MLLT10: variants seen among roughly 807,000 people sequenced by gnomAD.
The protein encoded by MLLT10 is MLLT10 histone lysine methyltransferase DOT1L cofactor.
MLLT10 carries 30 observed loss-of-function variants against 129.1 expected under a neutral mutation model. That is an observed-to-expected ratio of 0.23 (90% confidence interval 0.17 to 0.32). MLLT10 has a LOEUF of 0.32. MLLT10 is among the 10% of genes least tolerant of loss of function. MLLT10 has a pLI of 1.00. For missense variants in MLLT10, 1,119 were observed against 1,268.3 expected (o/e 0.88, Z 1.79); for synonymous variants, 490 against 446.4 (o/e 1.10, Z -1.23).
At chr10:21,597,668 G>A (rs2043146422) in intron 5 of MLLT10, among the ~76,000 whole-genome samples, 1 of 152,088 alleles carries the variant, frequency 6.6e-6, no homozygotes, top group Admixed American at 6.6e-5. Context: ...CACCCCACCC[G>A]GGTCTCTTTG....
At chr10:21,688,677 A>C in intron 13 of MLLT10, 3 of 615,944 alleles carry the variant, frequency 4.9e-6, no homozygotes, top group Non-Finnish European at 8.1e-6. Flanking sequence ...GGAATTATCT[A>C]TAACCTTGGG....
chr10:21,591,066 T>C (rs767023497), intron 4 of MLLT10, among the ~76,000 whole-genome samples: 1 of 152,286 alleles, frequency 6.6e-6, no homozygotes, highest in Non-Finnish European at 1.5e-5. Context: ...GTTTTTGCTG[T>C]TGTTGTTTTG....
chr10:21,651,788 T>G lies in MLLT10; in HGVS notation c.795+20T>G. The G allele has an allele frequency of 6.4e-7, 1 of 1,551,318 alleles. No homozygotes were observed. Among genetic ancestry groups the G allele is most frequent in the Non-Finnish European group, 8.9e-7 (1 of 1,128,528 alleles). ...GAAAAAGTAAGTTTTAAGTATCATA[T>G]TTTGTTTTATGTAATAAGTAGTTAT... On this transcript the variant is annotated intron_variant, in intron 9 of 22. Coordinates refer to ENST00000307729, the MANE Select transcript of MLLT10 (RefSeq NM_001195626.3).
chr10:21,660,595 G>A (rs1190778613), intron 9 of MLLT10, among the ~76,000 whole-genome samples: 3 of 126,678 alleles, frequency 2.4e-5, no homozygotes, highest in Non-Finnish European at 4.7e-5. Context: ...CAGCGCGGGT[G>A]ACAGAGCAAG....
rs981991488 is a variant in MLLT10 at position 21,734,124 on chromosome 10, T to TAAC, written c.2855_2857dup (p.Asn952dup). 3 of 1,597,890 alleles carry TAAC rather than the reference T, an allele frequency of 1.9e-6. No individual in the cohort carries two copies. The African/African-American group carries it at 4.0e-5, about 21-fold the overall frequency. ...CACATCCAATGCCAGCTACACTGAC[T>TAAC]AACAGGTAAGAAACTTAAGTATGTT... is the stretch of plus-strand genomic sequence containing the variant. On this transcript the variant is annotated inframe_insertion, in exon 20 of 23. Transcript: ENST00000307729.
At chr10:21,651,612 CTG>C (rs778395678) in intron 8 of MLLT10, 59 bp from the exon 9 acceptor site, 10 of 1,113,248 alleles carry the variant, frequency 9.0e-6, no homozygotes, top group South Asian at 2.8e-5. Flanking sequence ...AAAAAAATCT[CTG>C]TTGCATATAT....
chr10:21,603,551 A>T (rs150295047), intron 5 of MLLT10, among the ~76,000 whole-genome samples: 161 of 152,348 alleles, frequency 1.1e-3, no homozygotes, highest in African/African-American at 3.5e-3. Context: ...GCAATAATAT[A>T]ACAAACAACC....
rs150816223 is a variant in MLLT10 at position 21,656,186 on chromosome 10, G to A, written c.795+4418G>A. 6.6e-5 allele frequency among the ~76,000 whole-genome samples: 10 copies of A among 152,216 alleles called. No homozygotes were observed. In the South Asian group the frequency reaches 1.0e-3, roughly 16 times the overall value. ...GTCATAGGTTCCTTTTTGGGGAACG[G>A]TGTCATTTTACATTGGTTCACCACA... On this transcript the variant is annotated intron_variant, in intron 9 of 22. Coordinates refer to ENST00000307729, the MANE Select transcript of MLLT10 (RefSeq NM_001195626.3).
intron 14 of MLLT10, among the ~76,000 whole-genome samples, chr10:21,725,156 G>A (rs2057392073): frequency 6.6e-6 from 1 of 152,194 alleles, no homozygotes; most frequent in South Asian, 2.1e-4. Context: ...ACAGAGTTAA[G>A]CAATGGAAAT....
At chr10:21,572,486 C>G (rs1731515997) in intron 3 of MLLT10, among the ~76,000 whole-genome samples, 1 of 152,176 alleles carries the variant, frequency 6.6e-6, no homozygotes, top group African/African-American at 2.4e-5. Context: ...GAACTGACAT[C>G]TTAACAACGA....
chr10:21,698,643 A>G (rs1360198819), intron 13 of MLLT10, among the ~76,000 whole-genome samples: 1 of 152,216 alleles, frequency 6.6e-6, no homozygotes, highest in Non-Finnish European at 1.5e-5. Context: ...TTAGATAAAT[A>G]TACATACTAT....
chr10:21,736,499 G>A (rs1408668393), intron 21 of MLLT10, among the ~76,000 whole-genome samples: 1 of 152,162 alleles, frequency 6.6e-6, no homozygotes, highest in African/African-American at 2.4e-5. Flanking sequence ...GCCCAGGCTG[G>A]TCTTGAACTC....
At position 21,534,475 on chromosome 10, in the gene MLLT10, T is replaced by C. The variant is rs2033424151; in HGVS notation, c.-46T>C. 9.8e-6 allele frequency: 6 copies of C among 613,190 alleles called. No individual in the cohort carries two copies. In the East Asian group the frequency reaches 1.6e-4, roughly 16 times the overall value. 38.0% of individuals were successfully genotyped at this position (613,190 alleles called of 1,614,324 possible). ...TGGGGGGAATCAGCAAGGACATGGC[T>C]CCTGACTCCTGTGCGGAACGTGAGT... On this transcript the variant is annotated 5_prime_UTR_variant, in exon 1 of 23. Transcript: ENST00000307729.
intron 10 of MLLT10, 49 bp from the exon 11 acceptor site, chr10:21,673,301 T>TTGG: frequency 1.3e-5 from 3 of 237,942 alleles, no homozygotes; most frequent in South Asian, 7.0e-5. Flanking sequence ...AATTTTTCTG[T>TTGG]CCCCCCCACC....
chr10:21,704,020 T>TG (rs1362126628), intron 13 of MLLT10, among the ~76,000 whole-genome samples: 43 of 127,714 alleles, frequency 3.4e-4, no homozygotes, highest in African/African-American at 1.2e-3. Flanking sequence ...TTTTTTGTTT[T>TG]TTTTTTTTTT....
At chr10:21,599,164 T>C (rs1234476944) in intron 5 of MLLT10, among the ~76,000 whole-genome samples, 2 of 138,614 alleles carry the variant, frequency 1.4e-5, no homozygotes, top group Non-Finnish European at 3.1e-5. Context: ...GGTGACAGAG[T>C]GAGACTCCAT....
At chr10:21,589,902 TCCCTTC>T (rs71393911) in intron 4 of MLLT10, among the ~76,000 whole-genome samples, 34,098 of 151,574 alleles carry the variant, frequency 0.22, 4,815 homozygotes, top group Middle Eastern at 0.44. Flanking sequence ...CCTTTCCCTT[TCCCTTC>T]CCCTTCCCCT....
rs1463418124 is a variant in MLLT10 at position 21,743,467 on chromosome 10, A to G, written c.*1484A>G. The G allele has an allele frequency of 5.2e-6, 1 of 191,522 alleles. No homozygotes were observed. The highest frequency in any genetic ancestry group is 1.1e-5 in the Non-Finnish European group (1 of 91,428). The allele number at this position is 191,522 out of a possible 1,614,324, so 11.9% of individuals were successfully genotyped here. A position where few individuals can be genotyped will look rare whatever the true frequency, so the allele number is the denominator to read the frequency against. ...AAATCTTTTGTAGATAATTTAAAAA[A>G]TCAGTGTGGTTTATTTTACTTATTT... On this transcript the variant is annotated 3_prime_UTR_variant, in exon 23 of 23. Coordinates refer to ENST00000307729, the MANE Select transcript of MLLT10 (RefSeq NM_001195626.3).
chr10:21,535,768 G>T (rs1421852491), intron 2 of MLLT10, among the ~76,000 whole-genome samples: 1 of 152,102 alleles, frequency 6.6e-6, no homozygotes, highest in Non-Finnish European at 1.5e-5. Flanking sequence ...TTAGTAGTCT[G>T]TTGGAAAGGA....
Sources: gnomAD v4.1 joint callset for allele counts (sites outside exome capture counted in the v4.1 genomes callset) on GRCh38, gnomAD v4.1.1 for gene constraint, MANE v1.5 for transcripts, NCBI Gene and HGNC (gene_info 2026-07-23, HGNC 2026-07-21) for gene names.